ST3GAL2: variants seen among roughly 807,000 people sequenced by gnomAD.
The protein encoded by ST3GAL2 is ST3 beta-galactoside alpha-2,3-sialyltransferase 2.
In ST3GAL2, 16 loss-of-function variants were observed where a neutral mutation model predicts 37.5. The observed-to-expected ratio is 0.43, with a 90% CI of 0.29 to 0.65. The LOEUF (loss-of-function observed/expected upper bound fraction) is 0.65, where lower values mean the gene tolerates loss of function less well. Ranked by LOEUF, ST3GAL2 falls within the 30% of genes least tolerant of loss-of-function variation. ST3GAL2 has a pLI of 0.17. For synonymous variants in ST3GAL2, 238 were observed against 202.9 expected (o/e 1.17, Z -1.47); for missense variants, 383 against 487.8 (o/e 0.79, Z 2.02).
intron 1 of ST3GAL2, among the ~76,000 whole-genome samples, chr16:70,427,045 C>G (rs2047756707): frequency 6.6e-6 from 1 of 152,076 alleles, no homozygotes; most frequent in Non-Finnish European, 1.5e-5. Flanking sequence ...GACATGGTCT[C>G]CCTATGTTTC....
chr16:70,402,894 AC>A (rs1258731128), intron 1 of ST3GAL2, among the ~76,000 whole-genome samples: 1 of 151,762 alleles, frequency 6.6e-6, no homozygotes, highest in Non-Finnish European at 1.5e-5. Context: ...CAGGTGATCC[AC>A]CCGCCTCAGC....
Position 70,381,558 on chromosome 16 carries a change from C to T in ST3GAL2, c.*131G>A. The T allele has an allele frequency of 8.7e-7, 1 of 1,145,810 alleles. No homozygotes were observed. Among genetic ancestry groups the T allele is most frequent in the Middle Eastern group, 2.9e-4 (1 of 3,410 alleles). The allele number at this position is 1,145,810 out of a possible 1,614,324, so 71.0% of individuals were successfully genotyped here. A position where few individuals can be genotyped will look rare whatever the true frequency, so the allele number is the denominator to read the frequency against. ...TGCCAGGCCCGGCCGGTCCCCCAGTCTCGTGATTGGCGGGGCACAGCAGAC... is the reference window on the plus strand; with the variant it reads ...TGCCAGGCCCGGCCGGTCCCCCAGTTTCGTGATTGGCGGGGCACAGCAGAC... On this transcript the variant is annotated 3_prime_UTR_variant, in exon 7 of 7. Coordinates refer to ENST00000342907, the MANE Select transcript of ST3GAL2 (RefSeq NM_006927.4).
intron 2 of ST3GAL2, among the ~76,000 whole-genome samples, chr16:70,397,483 G>A (rs1195218248): frequency 6.6e-6 from 1 of 151,966 alleles, no homozygotes; most frequent in Non-Finnish European, 1.5e-5. Context: ...CAGCACTTTG[G>A]GAAGCTGAGG....
intron 3 of ST3GAL2, 39 bp from the exon 4 acceptor site, chr16:70,388,585 T>C (rs2047459121): frequency 9.2e-6 from 14 of 1,529,774 alleles, no homozygotes; most frequent in Non-Finnish European, 1.2e-5. Flanking sequence ...TCAACTGCCA[T>C]GGAAACTGAT....
At chr16:70,397,947 G>A (rs1039993844) in intron 2 of ST3GAL2, among the ~76,000 whole-genome samples, 1 of 152,192 alleles carries the variant, frequency 6.6e-6, no homozygotes, top group African/African-American at 2.4e-5. Context: ...TGCTCCCTGT[G>A]TCCCTGCTGC....
chr16:70,384,102 C>T (rs916730194), intron 4 of ST3GAL2, among the ~76,000 whole-genome samples: 4 of 152,110 alleles, frequency 2.6e-5, no homozygotes, highest in African/African-American at 9.7e-5. Flanking sequence ...CATTTTAGCC[C>T]TCAGGTCTCC....
At position 70,395,041 on chromosome 16, in the gene ST3GAL2, C is replaced by A; in HGVS notation, c.474G>T (p.Ser158=). ...QCRRCAVVGN[S]GNLRGSGYGQ... ...CATAGCCAGAGCCCCGCAGGTTGCC[C>A]GAGTTCCCCACCACGGCACAGCGCC... The change falls in exon 3 of 7, where the codon TCG becomes TCT. Residue 158 remains serine (S), a synonymous_variant. Transcript: ENST00000342907. 6.2e-7 allele frequency: 1 copy of A among 1,613,980 alleles called. No individual in the cohort carries two copies. Among genetic ancestry groups the A allele is most frequent in the South Asian group, 1.1e-5 (1 of 91,058 alleles).
rs751424993 is a variant in ST3GAL2 at position 70,398,314 on chromosome 16, G to A, written c.217C>T (p.Arg73Cys). The change falls in exon 2 of 7, where the codon CGC (arginine) becomes TGC (cysteine). Residue 73 changes from arginine (R) to cysteine (C), a missense_variant. This residue lies in a region of ST3GAL2 where 223 missense variants were observed against 239.1 expected (regional missense o/e 0.93). Coordinates refer to ENST00000342907, the MANE Select transcript of ST3GAL2 (RefSeq NM_006927.4). ...GCACCGGCATCGCCCATGCAGCGGCGACAGGCACAGCTCTTGCCCGAGAGC... is the reference window on the plus strand; with the variant it reads ...GCACCGGCATCGCCCATGCAGCGGCAACAGGCACAGCTCTTGCCCGAGAGC... ...ERLSGKSCAC[R>C]RCMGDAGASD... is the part of the protein sequence containing the mutation. 29 of 1,613,420 alleles carry A rather than the reference G, an allele frequency of 1.8e-5. No individual in the cohort carries two copies. Among genetic ancestry groups the A allele is most frequent in the South Asian group, 2.2e-5 (2 of 91,090 alleles).
chr16:70,391,910 A>G (rs1405194480), intron 3 of ST3GAL2, among the ~76,000 whole-genome samples: 1 of 152,184 alleles, frequency 6.6e-6, no homozygotes, highest in African/African-American at 2.4e-5. Context: ...CGCCCAGCCA[A>G]GGTGTACACT....
chr16:70,416,064 C>G (rs957597571), intron 1 of ST3GAL2, among the ~76,000 whole-genome samples: 2 of 152,122 alleles, frequency 1.3e-5, no homozygotes, highest in Non-Finnish European at 2.9e-5. Flanking sequence ...GAGTGAGCCA[C>G]CGAGCCCAGC....
intron 3 of ST3GAL2, among the ~76,000 whole-genome samples, chr16:70,390,619 C>T (rs1205289907): frequency 2.0e-5 from 3 of 152,192 alleles, no homozygotes; most frequent in Non-Finnish European, 4.4e-5. Flanking sequence ...CAAGTTCTGA[C>T]GGTCTGCCCT....
chr16:70,386,769 C>T (rs1013168073), intron 4 of ST3GAL2, among the ~76,000 whole-genome samples: 11 of 152,086 alleles, frequency 7.2e-5, no homozygotes, highest in African/African-American at 2.7e-4. Flanking sequence ...TCTCAGCGTC[C>T]TGAGTAGCTG....
chr16:70,386,647 A>G (rs181492769), intron 4 of ST3GAL2, among the ~76,000 whole-genome samples: 4 of 150,792 alleles, frequency 2.7e-5, no homozygotes, highest in Non-Finnish European at 5.9e-5. Context: ...AAAAATTTTT[A>G]TTTTTTATTT....
At chr16:70,383,801 G>A (rs2047423182) in intron 4 of ST3GAL2, among the ~76,000 whole-genome samples, 2 of 151,304 alleles carry the variant, frequency 1.3e-5, no homozygotes. Flanking sequence ...GTTCATCATT[G>A]CCATGCCTTA....
rs186739013 is a variant in ST3GAL2, at chr16:70,395,617, G to A, written c.340-442C>T. Among the ~76,000 whole-genome samples, 41 of 152,328 alleles carry A rather than the reference G, an allele frequency of 2.7e-4. 1 individual carries two copies. The highest frequency in any genetic ancestry group is 2.3e-3 in the South Asian group (11 of 4,824). ...AAGCCACGTCCAGGGTGACAGTCCA[G>A]CCACTCCCTGAGCCCCAGGGAAGGG... On this transcript the variant is annotated intron_variant, in intron 2 of 6. Transcript: ENST00000342907.
At chr16:70,393,994 G>A (rs2047498827) in intron 3 of ST3GAL2, among the ~76,000 whole-genome samples, 1 of 152,152 alleles carries the variant, frequency 6.6e-6, no homozygotes, top group South Asian at 2.1e-4. Flanking sequence ...AAGGAGTCGG[G>A]TAGGAGGCAT....
Position 70,438,734 on chromosome 16 carries a change from G to A in ST3GAL2, c.-1004+215C>T, listed in dbSNP as rs544979640. 3.9e-5 allele frequency among the ~76,000 whole-genome samples: 6 copies of A among 152,230 alleles called. No individual in the cohort carries two copies. The South Asian group carries it at 6.2e-4, about 16-fold the overall frequency. On this transcript the variant is annotated intron_variant, in intron 1 of 6. Coordinates refer to ENST00000342907, the MANE Select transcript of ST3GAL2 (RefSeq NM_006927.4). ...CCTGGGAGGCTGGGAGCGGCTGGAC[G>A]TGCAAAGCAGAAGGCGGGGATCCGG...
intron 1 of ST3GAL2, among the ~76,000 whole-genome samples, chr16:70,438,572 G>T (rs567372843): frequency 1.8e-4 from 27 of 152,140 alleles, no homozygotes; most frequent in African/African-American, 6.5e-4. Flanking sequence ...TGGAGCAGAG[G>T]CCGGGAGACC....
chr16:70,396,825 G>A (rs981434872), intron 2 of ST3GAL2, among the ~76,000 whole-genome samples: 1 of 152,182 alleles, frequency 6.6e-6, no homozygotes, highest in Non-Finnish European at 1.5e-5. Context: ...AGAGCCTGGG[G>A]AGTGACACTC....
Sources: gnomAD v4.1 joint callset for allele counts (sites outside exome capture counted in the v4.1 genomes callset) on GRCh38, gnomAD v4.1.1 for gene constraint, gnomAD v4.1.1 regional missense constraint, MANE v1.5 for transcripts, NCBI Gene and HGNC (gene_info 2026-07-23, HGNC 2026-07-21) for gene names.